The following TERB1 variants were observed in gnomAD, a reference collection of about 807,000 sequenced individuals.
TERB1 encodes the protein telomere repeats-binding bouquet formation protein 1.
Under a neutral mutation model 92.3 loss-of-function variants are expected in TERB1, and 63 were observed. That is an observed-to-expected ratio of 0.68 (90% CI 0.56 to 0.84). TERB1 has a LOEUF of 0.84. TERB1 is among the 40% of genes least tolerant of loss of function. TERB1 has a pLI of 0.00. For missense variants in TERB1, 709 were observed against 843.7 expected, an observed-to-expected ratio of 0.84 and a Z score of 1.98; for synonymous variants, 252 against 283.9, an observed-to-expected ratio of 0.89 and a Z score of 1.13.
At chr16:66,777,528 T>C (rs1424474315) in intron 10 of TERB1, among the ~76,000 whole-genome samples, 194 bp from the exon 11 acceptor site, 3 of 152,216 alleles carry the variant, frequency 2.0e-5, no homozygotes, top group Non-Finnish European at 4.4e-5. Context: ...TGTAATAAGA[T>C]GGCGGCCTAT....
intron 16 of TERB1, among the ~76,000 whole-genome samples, chr16:66,764,004 T>C (rs1284218749): frequency 1.3e-5 from 2 of 152,048 alleles, no homozygotes; most frequent in African/African-American, 4.8e-5. Flanking sequence ...CAGAGAAGTA[T>C]GGGAGAAAAG....
chr16:66,761,011 C>T (rs1423741662), intron 16 of TERB1, among the ~76,000 whole-genome samples: 3 of 142,688 alleles, frequency 2.1e-5, no homozygotes, highest in African/African-American at 5.3e-5. Context: ...ACTTGGGAGG[C>T]TGAGGCAGGA....
At chr16:66,785,092 T>A (rs2145199958) in intron 9 of TERB1, among the ~76,000 whole-genome samples, 1 of 150,886 alleles carries the variant, frequency 6.6e-6, no homozygotes, top group South Asian at 2.1e-4. Context: ...TGATCTTGGC[T>A]CACTGCAACT....
At chr16:66,789,703 ATTT>A (rs10542528) in intron 5 of TERB1, among the ~76,000 whole-genome samples, 30 of 105,566 alleles carry the variant, frequency 2.8e-4, no homozygotes, top group Middle Eastern at 5.0e-3. Flanking sequence ...CTAAAAGGTG[ATTT>A]TTTTTTTTTT....
intron 9 of TERB1, among the ~76,000 whole-genome samples, chr16:66,783,000 G>C (rs2018663638): frequency 6.7e-6 from 1 of 149,350 alleles, no homozygotes; most frequent in Non-Finnish European, 1.5e-5. Context: ...CTACAGGTGT[G>C]AACCATTACA....
intron 12 of TERB1, among the ~76,000 whole-genome samples, chr16:66,773,312 C>A (rs1296760825): frequency 2.0e-5 from 3 of 152,110 alleles, no homozygotes; most frequent in East Asian, 3.8e-4. Flanking sequence ...CCAGCCCTGG[C>A]GACAGAGTGA....
intron 5 of TERB1, among the ~76,000 whole-genome samples, chr16:66,789,304 G>GGACTATATCTTACTTATCCCTGTATCC (rs1555509453): frequency 6.4e-5 from 7 of 109,412 alleles, no homozygotes; most frequent in Admixed American, 9.4e-5. Flanking sequence ...AAAAAATTCG[G>GGACTATATCTTACTTATCCCTGTATCC]CCGGGCGCGG....
chr16:66,762,085 G>T (rs2018261221), intron 16 of TERB1, among the ~76,000 whole-genome samples: 1 of 152,194 alleles, frequency 6.6e-6, no homozygotes, highest in Admixed American at 6.5e-5. Flanking sequence ...AGTTTGTCTG[G>T]TTTTGAGCAA....
intron 16 of TERB1, among the ~76,000 whole-genome samples, chr16:66,765,448 A>ACTTT (rs1196671237): frequency 6.6e-6 from 1 of 151,648 alleles, no homozygotes; most frequent in African/African-American, 2.4e-5. Context: ...AAATACATTT[A>ACTTT]CTTTCTTTCT....
At position 66,790,989 on chromosome 16, in the gene TERB1, T is replaced by C. The variant is rs1567478396; in HGVS notation, c.62A>G (p.Glu21Gly). The C allele has an allele frequency of 1.3e-6, 2 of 1,545,376 alleles. No homozygotes were observed. The highest frequency in any genetic ancestry group is 4.0e-5 in the Admixed American group (2 of 50,312). ...ATTGTCCATTTGATACTTTAGACAC[T>C]CCAATAATAAGTTCAGGTCAGTCTT... ...EMKTDLNLLLECLKYQMDNAF... is the reference protein window; with the variant it reads ...EMKTDLNLLLGCLKYQMDNAF... Residue 21 changes from glutamate to glycine, a missense_variant, in exon 4 of 19, where the codon GAG becomes GGG. Transcript: ENST00000433154.
chr16:66,761,956 G>C (rs906993931), intron 16 of TERB1, among the ~76,000 whole-genome samples: 1 of 152,192 alleles, frequency 6.6e-6, no homozygotes, highest in African/African-American at 2.4e-5. Context: ...GGGAGGCTGC[G>C]GCAGGAGAAT....
intron 9 of TERB1, among the ~76,000 whole-genome samples, chr16:66,785,525 G>A (rs551113680): frequency 6.6e-6 from 1 of 152,088 alleles, no homozygotes; most frequent in African/African-American, 2.4e-5. Flanking sequence ...CACACTCTAT[G>A]GGTTTTTAGT....
upstream of TERB1, among the ~76,000 whole-genome samples, chr16:66,801,930 C>T (rs1205422121): frequency 2.0e-5 from 3 of 152,218 alleles, no homozygotes; most frequent in African/African-American, 7.2e-5. Flanking sequence ...GCTGTGTGTT[C>T]TCCCTTTTGT....
At chr16:66,786,414 G>A in intron 6 of TERB1, 129 bp from the exon 7 acceptor site, 2 of 633,444 alleles carry the variant, frequency 3.2e-6, no homozygotes, top group Non-Finnish European at 5.4e-6. Context: ...GTATAACATA[G>A]AATTACGGTG....
chr16:66,796,349 CTTT>C lies in TERB1; in HGVS notation c.31+416_31+418del, dbSNP rs569750652. ...ACCTTTTTGAAATGTTTTTCTCAGA[CTTT>C]TTTTAAGGGCTGTCTTCCTCAGCTA... On this transcript the variant is annotated intron_variant, in intron 3 of 18. Coordinates refer to ENST00000433154, the MANE Select transcript of TERB1 (RefSeq NM_001136505.2). 1.2e-4 allele frequency among the ~76,000 whole-genome samples: 18 copies of C among 152,214 alleles called. No homozygotes were observed. The East Asian group carries it at 3.5e-3, about 29-fold the overall frequency.
chr16:66,773,336 A>C (rs1461407047), intron 12 of TERB1, among the ~76,000 whole-genome samples: 1 of 152,156 alleles, frequency 6.6e-6, no homozygotes, highest in Non-Finnish European at 1.5e-5. Context: ...TTCGTCTCAA[A>C]AATAAAGTAG....
chr16:66,786,061 GACC>G lies in TERB1; in HGVS notation c.527_529del (p.Trp176del). On this transcript the variant is annotated inframe_deletion, in exon 8 of 19. Coordinates refer to ENST00000433154, the MANE Select transcript of TERB1 (RefSeq NM_001136505.2). ...GACACACAGAGTACTACACACTGAA[GACC>G]ACAACTGATAACTCTGGAAAACATT... 1 of 1,551,744 alleles carries G rather than the reference GACC, an allele frequency of 6.4e-7. No individual in the cohort carries two copies. Among genetic ancestry groups the G allele is most frequent in the South Asian group, 1.2e-5 (1 of 84,028 alleles).
rs76193919 is a variant in TERB1, at chr16:66,778,969, C to A, written c.747G>T (p.Leu249Phe). 9 of 1,532,656 alleles carry A rather than the reference C, an allele frequency of 5.9e-6. No individual in the cohort carries two copies. The East Asian group carries it at 1.5e-4, about 25-fold the overall frequency. The allele number at this position is 1,532,656 out of a possible 1,614,324, so 94.9% of individuals were successfully genotyped here. ...ATTCCAGCTGCATGAGAACTTGAGA[C>A]AATACATCCAGTCCGCCCACAGATA... ...YFVSVGGLDV[L>F]SQVLMQLESD... The change falls in exon 10 of 19, where the codon TTG (leucine) becomes TTT (phenylalanine). Residue 249 changes from leucine to phenylalanine, a missense_variant. Transcript: ENST00000433154.
At chr16:66,793,639 G>A (rs1315449550) in intron 3 of TERB1, among the ~76,000 whole-genome samples, 1 of 152,062 alleles carries the variant, frequency 6.6e-6, no homozygotes, top group African/African-American at 2.4e-5. Flanking sequence ...AGCCTCCCAA[G>A]GAGCTGGGAT....
Sources: gnomAD v4.1 joint callset for allele counts (sites outside exome capture counted in the v4.1 genomes callset) on GRCh38, gnomAD v4.1.1 for gene constraint, MANE v1.5 for transcripts, NCBI Gene and HGNC (gene_info 2026-07-23, HGNC 2026-07-21) for gene names.